CNTLN: variants seen among roughly 807,000 people sequenced by gnomAD.
The protein encoded by CNTLN is centlein, centrosomal protein.
CNTLN carries 212 observed loss-of-function variants against 180.0 expected under a neutral mutation model. The observed-to-expected ratio is 1.18, with a 90% CI of 1.05 to 1.32. CNTLN has a LOEUF of 1.32. Ranked by LOEUF, CNTLN falls within the 40% of genes most tolerant of loss-of-function variation. CNTLN has a pLI of 0.00. For synonymous variants in CNTLN, 722 were observed against 563.1 expected (o/e 1.28, Z -3.99); for missense variants, 2,095 against 1,610.9 (o/e 1.30, Z -5.14).
chr9:17,449,744 A>G (rs1167413823), intron 18 of CNTLN, among the ~76,000 whole-genome samples: 3 of 152,232 alleles, frequency 2.0e-5, no homozygotes, highest in South Asian at 2.1e-4. Flanking sequence ...AACAAATCCA[A>G]TTAAAATGCG....
At chr9:17,198,608 T>C (rs981586980) in intron 2 of CNTLN, among the ~76,000 whole-genome samples, 12 of 151,796 alleles carry the variant, frequency 7.9e-5, no homozygotes, top group African/African-American at 2.9e-4. Context: ...GTTAATTTTT[T>C]TTTTTAAGTT....
intron 2 of CNTLN, among the ~76,000 whole-genome samples, chr9:17,210,816 C>T (rs1415171419): frequency 6.6e-6 from 1 of 152,180 alleles, no homozygotes; most frequent in Non-Finnish European, 1.5e-5. Flanking sequence ...TGATGATGAG[C>T]ATTTTTTCAT....
At chr9:17,296,474 AGAT>A (rs1388379081) in intron 6 of CNTLN, among the ~76,000 whole-genome samples, 1 of 152,192 alleles carries the variant, frequency 6.6e-6, no homozygotes, top group Admixed American at 6.5e-5. Flanking sequence ...CTGTATTGAA[AGAT>A]GATATGTTTT....
At chr9:17,160,639 A>T (rs1335080042) in intron 2 of CNTLN, among the ~76,000 whole-genome samples, 1 of 152,182 alleles carries the variant, frequency 6.6e-6, no homozygotes, top group Non-Finnish European at 1.5e-5. Context: ...TTTTCCAAAT[A>T]TCAGTTCTGT....
chr9:17,241,667 T>A (rs1021104012), intron 5 of CNTLN, among the ~76,000 whole-genome samples: 1 of 151,978 alleles, frequency 6.6e-6, no homozygotes, highest in African/African-American at 2.4e-5. Context: ...ACAATATTGA[T>A]TCTTCCAATC....
chr9:17,335,051 G>C (rs1820913305), intron 10 of CNTLN, among the ~76,000 whole-genome samples: 1 of 152,124 alleles, frequency 6.6e-6, no homozygotes, highest in Non-Finnish European at 1.5e-5. Flanking sequence ...CAGAAGGCAA[G>C]AGAAGACTAA....
At position 17,394,832 on chromosome 9, in the gene CNTLN, A is replaced by G. The variant is rs2133726226; in HGVS notation, c.2378A>G (p.Asn793Ser). 1.2e-6 allele frequency: 2 copies of G among 1,614,012 alleles called. No individual in the cohort carries two copies. The highest frequency in any genetic ancestry group is 4.5e-5 in the East Asian group (2 of 44,874). Reference protein sequence around the residue: ...ALRNENEELINPMEKSHQSAD... With the variant: ...ALRNENEELISPMEKSHQSAD... ...AGAAATGAAAATGAAGAGCTGATCA[A>G]CCCAATGGAGAAATCACACCAGTCA... The change falls in exon 15 of 26, where the codon AAC (asparagine) becomes AGC (serine). Residue 793 changes from asparagine (N) to serine (S), a missense_variant. Asn to Ser is a conservative substitution (Grantham distance 46). Coordinates refer to ENST00000380647, the MANE Select transcript of CNTLN (RefSeq NM_017738.4).
chr9:17,211,962 G>A (rs962039742), intron 2 of CNTLN, among the ~76,000 whole-genome samples: 13 of 152,112 alleles, frequency 8.5e-5, no homozygotes, highest in East Asian at 1.9e-4. Flanking sequence ...GGGCTGAGAC[G>A]ATGGGGTTTT....
At chr9:17,301,295 C>T (rs982637488) in intron 7 of CNTLN, 17 of 985,132 alleles carry the variant, frequency 1.7e-5, no homozygotes, top group African/African-American at 5.2e-5. Flanking sequence ...ATTTTGAAAC[C>T]GTAAACACTT....
At chr9:17,203,113 T>C (rs539737468) in intron 2 of CNTLN, among the ~76,000 whole-genome samples, 1 of 152,308 alleles carries the variant, frequency 6.6e-6, no homozygotes, top group Admixed American at 6.5e-5. Flanking sequence ...TTTGGCTGGA[T>C]ATGAAATTCT....
At position 17,330,666 on chromosome 9, in the gene CNTLN, C is replaced by T. The variant is rs757011942; in HGVS notation, c.1376C>T (p.Thr459Met). The change falls in exon 9 of 26, where the codon ACG (threonine) becomes ATG (methionine). Residue 459 changes from threonine to methionine, a missense_variant. Thr to Met is a moderately conservative substitution (Grantham distance 81). Coordinates refer to ENST00000380647, the MANE Select transcript of CNTLN (RefSeq NM_017738.4). Reference sequence around the variant, plus strand: ...CGCCCATCCTTATCAAGCTTAGAAACGTTAATGGTTTCACAGAAGTCTGAA... The same window carrying T: ...CGCCCATCCTTATCAAGCTTAGAAATGTTAATGGTTTCACAGAAGTCTGAA... ...PHRPSLSSLETLMVSQKSEIE... is the reference protein window; with the variant it reads ...PHRPSLSSLEMLMVSQKSEIE... The T allele has an allele frequency of 2.2e-5, 35 of 1,608,032 alleles. No individual in the cohort carries two copies. In the South Asian group the frequency reaches 2.4e-4, roughly 11 times the overall value.
chr9:17,263,650 G>C (rs1277293768), intron 5 of CNTLN, among the ~76,000 whole-genome samples: 1 of 145,676 alleles, frequency 6.9e-6, no homozygotes, highest in Non-Finnish European at 1.5e-5. Context: ...CTAGTTTACA[G>C]TTCCACCAAC....
intron 5 of CNTLN, among the ~76,000 whole-genome samples, chr9:17,258,192 A>G (rs1365799091): frequency 1.1e-5 from 1 of 93,108 alleles, no homozygotes; most frequent in Non-Finnish European, 2.4e-5. Flanking sequence ...AGCTTTCTAC[A>G]TATGGCTAGC....
At chr9:17,301,654 A>T (rs1818361250) in intron 7 of CNTLN, 1 of 972,860 alleles carries the variant, frequency 1.0e-6, no homozygotes, top group African/African-American at 1.8e-5. Context: ...AGATGCTTGT[A>T]GTTGTTCATA....
intron 19 of CNTLN, among the ~76,000 whole-genome samples, chr9:17,459,158 T>G (rs1456238832): frequency 2.6e-5 from 4 of 151,934 alleles, no homozygotes; most frequent in Admixed American, 2.6e-4. Flanking sequence ...GATTTATACA[T>G]AAATCATAAT....
Position 17,288,220 on chromosome 9 carries a change from T to C in CNTLN, c.984-9970T>C, listed in dbSNP as rs1442784949. Among the ~76,000 whole-genome samples, 20 of 122,100 alleles carry C rather than the reference T, an allele frequency of 1.6e-4. 1 individual carries two copies. The highest frequency in any genetic ancestry group is 1.6e-3 in the Admixed American group (20 of 12,516). The allele number at this position is 122,100 out of a possible 152,430, so 80.1% of individuals were successfully genotyped here. ...CTGGTATGTTGTGTCTTTGTTCTCG[T>C]TGGTTTCAAAGAACATCTTTATTGC... On this transcript the variant is annotated intron_variant, in intron 6 of 25. Coordinates refer to ENST00000380647, the MANE Select transcript of CNTLN (RefSeq NM_017738.4).
At chr9:17,443,486 T>C (rs1178304062) in intron 18 of CNTLN, among the ~76,000 whole-genome samples, 1 of 152,156 alleles carries the variant, frequency 6.6e-6, no homozygotes, top group Non-Finnish European at 1.5e-5. Context: ...TTTAAATTGC[T>C]ATATGGTTGA....
At chr9:17,446,727 T>C (rs1185076994) in intron 18 of CNTLN, among the ~76,000 whole-genome samples, 3 of 152,202 alleles carry the variant, frequency 2.0e-5, no homozygotes, top group South Asian at 4.1e-4. Flanking sequence ...AGCAATTTAA[T>C]ACTATATATG....
At chr9:17,433,329 A>G (rs890273493) in intron 18 of CNTLN, among the ~76,000 whole-genome samples, 3 of 151,484 alleles carry the variant, frequency 2.0e-5, no homozygotes, top group African/African-American at 7.3e-5. Flanking sequence ...CTGTCGCCCA[A>G]GCTGGAGTGC....
Sources: allele counts gnomAD v4.1 joint callset (sites outside exome capture counted in the v4.1 genomes callset), GRCh38; gene constraint gnomAD v4.1.1; transcripts MANE v1.5; gene names NCBI Gene and HGNC (gene_info 2026-07-23, HGNC 2026-07-21).